Variants in OMA1 observed in about 807,000 individuals in gnomAD.
OMA1 encodes metalloendopeptidase OMA1, mitochondrial.
A neutral mutation model predicts 30.9 loss-of-function variants in OMA1; 38 were observed. The observed-to-expected ratio is 1.23, with a 90% confidence interval of 0.95 to 1.61. The LOEUF is 1.61. OMA1 is among the 40% of genes most tolerant of loss of function. The probability of loss-of-function intolerance (pLI) is 0.00; values close to 1 mark genes in which losing one functional copy is unlikely to be tolerated. For missense variants in OMA1, 461 were observed against 349.2 expected (o/e 1.32, Z -2.55); for synonymous variants, 173 against 121.9 (o/e 1.42, Z -2.76).
chr1:58,481,189 T>C lies in OMA1; in HGVS notation c.1366-15A>G. 1.3e-6 allele frequency: 1 copy of C among 772,700 alleles called. No homozygotes were observed. The highest frequency in any genetic ancestry group is 1.7e-5 in the South Asian group (1 of 57,414). The allele number at this position is 772,700 out of a possible 1,614,324, so 47.9% of individuals were successfully genotyped here. On this transcript the variant is annotated splice_polypyrimidine_tract_variant and intron_variant, in intron 8 of 8. Transcript: ENST00000371226. ...ATTTTGAGAGCCTATAAAGAAATAATAAAATAAAAAAATACTATATATATA... is the reference window on the plus strand; with the variant it reads ...ATTTTGAGAGCCTATAAAGAAATAACAAAATAAAAAAATACTATATATATA...
intron 8 of OMA1, 148 bp from the exon 9 acceptor site, chr1:58,481,322 G>GGGTT (rs1557434314): frequency 2.9e-5 from 11 of 382,132 alleles, no homozygotes; most frequent in African/African-American, 6.3e-5. Flanking sequence ...ACACATAAAA[G>GGGTT]AGAACCACTG....
intron 8 of OMA1, among the ~76,000 whole-genome samples, chr1:58,498,227 G>A (rs1283163628): frequency 6.6e-6 from 1 of 150,930 alleles, no homozygotes; most frequent in Non-Finnish European, 1.5e-5. Flanking sequence ...TATAATAATG[G>A]TAAAACTAAA....
At chr1:58,487,564 G>GA (rs1364750053) in intron 8 of OMA1, among the ~76,000 whole-genome samples, 1 of 152,102 alleles carries the variant, frequency 6.6e-6, no homozygotes. Flanking sequence ...CTGAACTTCT[G>GA]AAAAAATTCT....
intron 5 of OMA1, 109 bp from the exon 6 acceptor site, chr1:58,530,838 A>G: frequency 1.5e-6 from 1 of 646,184 alleles, no homozygotes; most frequent in South Asian, 2.0e-5. Context: ...TCCACCTAAG[A>G]CTGAGAGTTC....
intron 8 of OMA1, among the ~76,000 whole-genome samples, chr1:58,491,920 A>G (rs928120926): frequency 2.0e-5 from 3 of 152,218 alleles, no homozygotes; most frequent in Non-Finnish European, 2.9e-5. Flanking sequence ...TGGACCTAAT[A>G]GACATCTACA....
intron 7 of OMA1, among the ~76,000 whole-genome samples, chr1:58,521,372 A>C (rs1646260368): frequency 6.6e-6 from 1 of 152,038 alleles, no homozygotes; most frequent in African/African-American, 2.4e-5. Flanking sequence ...TATTCATCTT[A>C]AGTTAGGGAA....
intron 8 of OMA1, among the ~76,000 whole-genome samples, chr1:58,485,591 TA>T (rs1645563487): frequency 1.3e-5 from 2 of 152,120 alleles, no homozygotes; most frequent in Admixed American, 6.5e-5. Flanking sequence ...GATGTCTTGG[TA>T]ACTTATTTTT....
rs1426993040 is a variant in OMA1 at position 58,539,044 on chromosome 1, C to A, written c.251G>T (p.Ser84Ile). ...CCTCCAAATTTCCTTACTTTTGGTACTTGAGAGGCCTCCTGTTCTTTTGTT... is the reference window on the plus strand; with the variant it reads ...CCTCCAAATTTCCTTACTTTTGGTAATTGAGAGGCCTCCTGTTCTTTTGTT... ...FNNKRTGGLS[S>I]TKSKEIWRIT... The change falls in exon 2 of 9, where the codon AGT (serine) becomes ATT (isoleucine). Residue 84 changes from serine (S) to isoleucine (I), a missense_variant. Physicochemically the swap from Ser to Ile is moderately radical, Grantham distance 142 (BLOSUM62 -2). Transcript: ENST00000371226. The A allele has an allele frequency of 2.3e-6, 2 of 872,904 alleles. No homozygotes were observed. The highest frequency in any genetic ancestry group is 1.7e-5 in the Admixed American group (1 of 59,172). 54.1% of individuals were successfully genotyped at this position (872,904 alleles called of 1,614,324 possible).
In OMA1 at chr1:58,485,228, T is replaced by TAAAA. The variant is rs71043289; in HGVS notation, c.1366-4058_1366-4055dup. On this transcript the variant is annotated intron_variant, in intron 8 of 8. Coordinates refer to ENST00000371226, the MANE Select transcript of OMA1 (RefSeq NM_145243.5). ...GTCTAAAAATAAAAGAGTCTACTAC[T>TAAAA]AAAAAAAAAAAAAAAAAAAAAAAAA... is the stretch of plus-strand genomic sequence containing the variant. Among the ~76,000 whole-genome samples, 86 of 42,048 alleles carry TAAAA rather than the reference T, an allele frequency of 2.0e-3. 3 individuals carry two copies. Among genetic ancestry groups the TAAAA allele is most frequent in the African/African-American group, 6.4e-3 (66 of 10,288 alleles). 27.6% of individuals were successfully genotyped at this position (42,048 alleles called of 152,430 possible). A position where few individuals can be genotyped will look rare whatever the true frequency, so the allele number is the denominator to read the frequency against.
chr1:58,525,523 T>C (rs1243755599), intron 7 of OMA1, among the ~76,000 whole-genome samples: 1 of 152,108 alleles, frequency 6.6e-6, no homozygotes, highest in Non-Finnish European at 1.5e-5. Context: ...AGATGTGTAA[T>C]TCCTACATAC....
At chr1:58,494,327 C>A (rs1342987921) in intron 8 of OMA1, among the ~76,000 whole-genome samples, 25 of 151,966 alleles carry the variant, frequency 1.6e-4, no homozygotes, top group Non-Finnish European at 3.1e-4. Context: ...AGAAGAAAAC[C>A]TAGGCAATAC....
At chr1:58,540,690 G>A (rs1646592696) in intron 1 of OMA1, among the ~76,000 whole-genome samples, 1 of 146,992 alleles carries the variant, frequency 6.8e-6, no homozygotes, top group Admixed American at 7.1e-5. Context: ...CATCTAAAAT[G>A]AAATACAGAG....
intron 2 of OMA1, among the ~76,000 whole-genome samples, chr1:58,537,045 A>G (rs1197559404): frequency 1.3e-5 from 2 of 151,112 alleles, no homozygotes; most frequent in African/African-American, 4.9e-5. Flanking sequence ...ATTTATTACT[A>G]TCTAGTACAT....
chr1:58,503,169 T>C (rs999287612), intron 8 of OMA1, among the ~76,000 whole-genome samples: 4 of 152,204 alleles, frequency 2.6e-5, no homozygotes, highest in African/African-American at 9.7e-5. Context: ...CACATATTTT[T>C]AGAATTTCAT....
chr1:58,485,695 TATCTTC>T (rs1252341781), intron 8 of OMA1, among the ~76,000 whole-genome samples: 1 of 152,162 alleles, frequency 6.6e-6, no homozygotes, highest in Non-Finnish European at 1.5e-5. Flanking sequence ...TTATTAAATA[TATCTTC>T]ATCTCTTCAA....
chr1:58,543,249 C>A (rs772012206), intron 1 of OMA1, among the ~76,000 whole-genome samples: 1 of 152,190 alleles, frequency 6.6e-6, no homozygotes, highest in Non-Finnish European at 1.5e-5. Flanking sequence ...AACAGTTATA[C>A]ATTTGTTTTT....
intron 8 of OMA1, among the ~76,000 whole-genome samples, chr1:58,500,559 C>G (rs1213154602): frequency 6.6e-6 from 1 of 152,118 alleles, no homozygotes; most frequent in Non-Finnish European, 1.5e-5. Context: ...CCAAGTGATT[C>G]TGATATCTAA....
At chr1:58,486,399 T>A (rs1557436344) in intron 8 of OMA1, among the ~76,000 whole-genome samples, 1 of 152,344 alleles carries the variant, frequency 6.6e-6, no homozygotes, top group East Asian at 1.9e-4. Context: ...GCGACCATCT[T>A]TCTCCCGTTA....
rs758363543 is a variant in OMA1 at position 58,538,905 on chromosome 1, T to C, written c.390A>G (p.Ile130Met). ...AAGTATGGAAATTCCTAATAGCTCT[T>C]ATGGAAGCAGGGCTTAGAGGATGCA... is the stretch of plus-strand genomic sequence containing the variant. ...SVLHPLSPAS[I>M]RAIRNFHTSP... The change falls in exon 2 of 9, where the codon ATA becomes ATG. Residue 130 changes from isoleucine (I) to methionine (M), a missense_variant. Coordinates refer to ENST00000371226, the MANE Select transcript of OMA1 (RefSeq NM_145243.5). 21 of 872,718 alleles carry C rather than the reference T, an allele frequency of 2.4e-5. No individual in the cohort carries two copies. Among genetic ancestry groups the C allele is most frequent in the Non-Finnish European group, 3.8e-5 (19 of 501,634 alleles). The allele number at this position is 872,718 out of a possible 1,614,324, so 54.1% of individuals were successfully genotyped here.
Sources: gnomAD v4.1 joint callset for allele counts (sites outside exome capture counted in the v4.1 genomes callset) on GRCh38, gnomAD v4.1.1 for gene constraint, MANE v1.5 for transcripts, NCBI Gene and HGNC (gene_info 2026-07-23, HGNC 2026-07-21) for gene names.